PLXNA4: variants seen among roughly 807,000 people sequenced by gnomAD.
PLXNA4 encodes the protein plexin A4, also known as plexin-A4.
A neutral mutation model predicts 191.8 loss-of-function variants in PLXNA4; 44 were observed. The ratio of observed to expected loss-of-function variants is 0.23; its 90% CI spans 0.18 to 0.29. The LOEUF is 0.29. Ranked by LOEUF, PLXNA4 falls within the 10% of genes least tolerant of loss-of-function variation. The pLI, the probability that PLXNA4 is intolerant of heterozygous loss-of-function variation, is 1.00. For synonymous variants in PLXNA4, 1,082 were observed against 1,009.5 expected, an observed-to-expected ratio of 1.07 and a Z score of -1.36; for missense variants, 1,800 against 2,488.8, an observed-to-expected ratio of 0.72 and a Z score of 5.89.
At chr7:132,205,516 TGAGAGAGAGA>T (rs150848387) in intron 10 of PLXNA4, among the ~76,000 whole-genome samples, 1 of 150,160 alleles carries the variant, frequency 6.7e-6, no homozygotes, top group Non-Finnish European at 1.5e-5. Context: ...TGTGTGTGTG[TGAGAGAGAGA>T]GAGAGAGAGA....
At chr7:132,268,120 C>A (rs75153098) in intron 4 of PLXNA4, among the ~76,000 whole-genome samples, 13 of 152,132 alleles carry the variant, frequency 8.5e-5, no homozygotes, top group Admixed American at 3.3e-4. Flanking sequence ...AAAATGCAAT[C>A]GACTGGGAGG....
chr7:132,154,802 T>C (rs1795745744), intron 25 of PLXNA4, among the ~76,000 whole-genome samples: 2 of 152,148 alleles, frequency 1.3e-5, no homozygotes, highest in African/African-American at 4.8e-5. Context: ...CTCTGACCTC[T>C]CTCGCAGCAG....
At chr7:132,328,028 A>G (rs1167324306) in intron 3 of PLXNA4, among the ~76,000 whole-genome samples, 3 of 152,140 alleles carry the variant, frequency 2.0e-5, no homozygotes, top group Non-Finnish European at 4.4e-5. Context: ...TCCCCATGGA[A>G]AGGGTGGCCG....
At chr7:132,178,763 A>T (rs1796570904) in intron 20 of PLXNA4, among the ~76,000 whole-genome samples, 2 of 135,894 alleles carry the variant, frequency 1.5e-5, no homozygotes, top group Admixed American at 1.4e-4. Context: ...ACACACACAC[A>T]CACACACACA....
chr7:132,179,038 A>C (rs1310555698), intron 20 of PLXNA4, among the ~76,000 whole-genome samples: 1 of 124,762 alleles, frequency 8.0e-6, no homozygotes, highest in Non-Finnish European at 1.8e-5. Context: ...GCGCGCACAC[A>C]CACACACACA....
At chr7:132,464,782 T>C (rs1159894149) in intron 3 of PLXNA4, among the ~76,000 whole-genome samples, 2 of 152,160 alleles carry the variant, frequency 1.3e-5, no homozygotes, top group African/African-American at 4.8e-5. Context: ...GCCAGTGGTG[T>C]AGGCATTCTA....
chr7:132,351,511 G>C (rs1175094731), intron 3 of PLXNA4, among the ~76,000 whole-genome samples: 1 of 152,170 alleles, frequency 6.6e-6, no homozygotes, highest in Non-Finnish European at 1.5e-5. Context: ...ATGGCCGTTG[G>C]CTCCAGCTTC....
intron 27 of PLXNA4, 62 bp downstream of exon 27, chr7:132,147,838 C>T: frequency 6.2e-7 from 1 of 1,606,900 alleles, no homozygotes; most frequent in Non-Finnish European, 8.5e-7. Context: ...GGCTATGCTG[C>T]TGTCATGACA....
At chr7:132,490,909 A>G (rs902951376) in intron 2 of PLXNA4, among the ~76,000 whole-genome samples, 13 of 152,050 alleles carry the variant, frequency 8.5e-5, no homozygotes, top group Non-Finnish European at 1.8e-4. Flanking sequence ...TTTTTATACC[A>G]GGCCATCAGG....
intron 2 of PLXNA4, among the ~76,000 whole-genome samples, chr7:132,627,233 C>T (rs1803396458): frequency 6.6e-6 from 1 of 152,214 alleles, no homozygotes. Context: ...AAATAACATG[C>T]TTATGCTTCT....
intron 1 of PLXNA4, among the ~76,000 whole-genome samples, chr7:132,561,399 TTCCTCC>T (rs575217577): frequency 1.4e-5 from 1 of 73,922 alleles, no homozygotes; most frequent in Non-Finnish European, 2.7e-5. Context: ...CCTCCTCCTC[TTCCTCC>T]TCCTCCTCTT....
intron 4 of PLXNA4, among the ~76,000 whole-genome samples, chr7:132,255,638 G>A (rs1799406049): frequency 6.6e-6 from 1 of 152,212 alleles, no homozygotes; most frequent in Admixed American, 6.5e-5. Context: ...ACTTGTGATG[G>A]GATCTCACAG....
chr7:132,276,093 A>C (rs1168668764), intron 4 of PLXNA4, among the ~76,000 whole-genome samples: 1 of 152,164 alleles, frequency 6.6e-6, no homozygotes, highest in East Asian at 1.9e-4. Context: ...TTGCTGGAAG[A>C]AGCTGTCTTG....
At position 132,198,783 on chromosome 7, in the gene PLXNA4, G is replaced by A. The variant is rs371028073; in HGVS notation, c.2587-147C>T. On this transcript the variant is annotated intron_variant, in intron 12 of 31. Transcript: ENST00000321063. ...GTCACCAAGGGCACCCAAAGCCTGC[G>A]GTAATCAATGGGTAGTAGCTTCTAG... 91 of 1,216,248 alleles carry A rather than the reference G, an allele frequency of 7.5e-5. No individual in the cohort carries two copies. The Middle Eastern group carries it at 1.1e-3, about 15-fold the overall frequency. 75.3% of individuals were successfully genotyped at this position (1,216,248 alleles called of 1,614,324 possible).
intron 10 of PLXNA4, among the ~76,000 whole-genome samples, chr7:132,204,815 C>G (rs1797558097): frequency 6.6e-6 from 1 of 152,180 alleles, no homozygotes; most frequent in South Asian, 2.1e-4. Context: ...GAAAATTGCC[C>G]TAAATTCCTG....
At chr7:132,461,721 G>A (rs527772195) in intron 3 of PLXNA4, among the ~76,000 whole-genome samples, 99 of 152,292 alleles carry the variant, frequency 6.5e-4, no homozygotes, top group Non-Finnish European at 1.2e-3. Context: ...CGGGCCTCAG[G>A]CTCCCCTCCT....
chr7:132,159,745 G>A, intron 24 of PLXNA4, 113 bp from the exon 25 acceptor site: 1 of 1,508,998 alleles, frequency 6.6e-7, no homozygotes, highest in Non-Finnish European at 9.0e-7. Flanking sequence ...CTCCAGGATG[G>A]GCTAGGGAGG....
intron 3 of PLXNA4, among the ~76,000 whole-genome samples, chr7:132,441,254 G>A (rs1360194394): frequency 6.6e-6 from 1 of 152,162 alleles, no homozygotes. Flanking sequence ...AGGTAAATTC[G>A]ATGGGTAGGT....
intron 1 of PLXNA4, among the ~76,000 whole-genome samples, chr7:132,570,541 A>G (rs1028565318): frequency 1.3e-5 from 2 of 152,224 alleles, no homozygotes; most frequent in Non-Finnish European, 2.9e-5. Flanking sequence ...TTCAGTGAGT[A>G]TGTCAGATAA....
Sources: gnomAD v4.1 joint callset for allele counts (sites outside exome capture counted in the v4.1 genomes callset) on GRCh38, gnomAD v4.1.1 for gene constraint, MANE v1.5 for transcripts, NCBI Gene and HGNC (gene_info 2026-07-23, HGNC 2026-07-21) for gene names.